Variants in DMD observed in about 807,000 individuals in gnomAD.
The protein encoded by DMD is dystrophin.
DMD carries 63 observed loss-of-function variants against 330.1 expected under a neutral mutation model. The ratio of observed to expected loss-of-function variants is 0.19; its 90% CI spans 0.16 to 0.24. DMD has a LOEUF of 0.24. Among genes scored for constraint, DMD ranks in the 10% least tolerant of loss-of-function variants. The probability of loss-of-function intolerance (pLI) is 1.00; values close to 1 mark genes in which losing one functional copy is unlikely to be tolerated. For synonymous variants in DMD, 1,223 were observed against 959.8 expected (o/e 1.27, Z -5.07); for missense variants, 3,344 against 2,684.1 (o/e 1.25, Z -5.43).
At chrX:32,987,040 T>TC (rs1243710184) in intron 2 of DMD, among the ~76,000 whole-genome samples, 4 of 112,584 alleles carry the variant, frequency 3.6e-5, no homozygotes, top group African/African-American at 1.3e-4. Context: ...CTGATATCTT[T>TC]CTGTCTACTA....
intron 48 of DMD, among the ~76,000 whole-genome samples, chrX:31,856,448 C>T (rs1054779310): frequency 9.0e-6 from 1 of 111,655 alleles, no homozygotes; most frequent in South Asian, 3.7e-4. Context: ...TGTTTGGTTT[C>T]TATTAAAATC....
At chrX:32,297,822 T>C (rs1343515970) in intron 42 of DMD, among the ~76,000 whole-genome samples, 2 of 111,083 alleles carry the variant, frequency 1.8e-5, no homozygotes, top group Non-Finnish European at 3.8e-5. Flanking sequence ...AGGAAGGCAG[T>C]TTTTAAGTAA....
At chrX:32,319,287 T>A (rs2097598345) in intron 41 of DMD, among the ~76,000 whole-genome samples, 1 of 109,582 alleles carries the variant, frequency 9.1e-6, no homozygotes, top group African/African-American at 3.3e-5. Context: ...TAAAACCATC[T>A]CCAAAAAATA....
At chrX:32,347,266 G>A (rs2097767249) in intron 38 of DMD, among the ~76,000 whole-genome samples, 2 of 111,652 alleles carry the variant, frequency 1.8e-5, no homozygotes, top group African/African-American at 6.5e-5. Context: ...AAAGTCTGTA[G>A]CATTTTCTAG....
At chrX:32,824,102 C>G (rs771664302) in intron 4 of DMD, among the ~76,000 whole-genome samples, 20 of 111,745 alleles carry the variant, frequency 1.8e-4, no homozygotes, top group Non-Finnish European at 3.8e-4. Flanking sequence ...AAAAATAGTG[C>G]CATAAAATGC....
intron 41 of DMD, among the ~76,000 whole-genome samples, chrX:32,321,861 A>G (rs929824812): frequency 8.9e-6 from 1 of 111,928 alleles, no homozygotes; most frequent in Non-Finnish European, 1.9e-5. Flanking sequence ...AGTCCATACA[A>G]GTAGTATACT....
chrX:32,551,437 C>A (rs2049545090), intron 16 of DMD, among the ~76,000 whole-genome samples: 1 of 111,466 alleles, frequency 9.0e-6, no homozygotes, highest in Admixed American at 9.6e-5. Context: ...AAATTCAACA[C>A]CCTTTCATGT....
chrX:33,131,782 A>G (rs746720751), intron 1 of DMD, among the ~76,000 whole-genome samples: 2 of 112,316 alleles, frequency 1.8e-5, no homozygotes, highest in East Asian at 5.6e-4. Flanking sequence ...TTTTGTGAGT[A>G]TCAGTGTACT....
intron 43 of DMD, among the ~76,000 whole-genome samples, chrX:32,219,879 G>C (rs540070833): frequency 8.9e-6 from 1 of 111,835 alleles, no homozygotes; most frequent in African/African-American, 3.2e-5. Context: ...CATCATATTG[G>C]TAATTGCCAT....
At chrX:32,694,946 C>T (rs951012745) in intron 9 of DMD, among the ~76,000 whole-genome samples, 5 of 112,039 alleles carry the variant, frequency 4.5e-5, no homozygotes, top group Admixed American at 9.5e-5. Flanking sequence ...TGAGCCACCA[C>T]GCCCGGCCTT....
At position 33,107,907 on chromosome X, in the gene DMD, G is replaced by A. The variant is rs373732796; in HGVS notation, c.32-87707C>T. ...TTTTCCTTAAATGATACTATTCTCC[G>A]AATTTAATAAAGTACCATTTCTACT... On this transcript the variant is annotated intron_variant, in intron 1 of 78. Transcript: ENST00000357033. Among the ~76,000 whole-genome samples the A allele has an allele frequency of 3.6e-5, 4 of 110,627 alleles. No individual in the cohort carries two copies. The South Asian group carries it at 1.5e-3, about 42-fold the overall frequency.
chrX:32,143,155 T>C (rs192324640), intron 44 of DMD, among the ~76,000 whole-genome samples: 10,268 of 110,843 alleles, frequency 0.093, 1,173 homozygotes, highest in African/African-American at 0.32. Flanking sequence ...CACAAGGCCC[T>C]GTATTTTTAA....
intron 64 of DMD, among the ~76,000 whole-genome samples, chrX:31,220,473 GTTCT>G (rs1043321063): frequency 2.2e-4 from 25 of 111,736 alleles, no homozygotes; most frequent in African/African-American, 7.5e-4. Context: ...CTGGTAACGG[GTTCT>G]TTCTTTCTTC....
Position 31,368,124 on chromosome X carries a change from T to C in DMD, c.9085-19490A>G, listed in dbSNP as rs151058186. Among the ~76,000 whole-genome samples, 1,104 of 111,588 alleles carry C rather than the reference T, an allele frequency of 9.9e-3. 10 individuals are homozygous for C. The highest frequency in any genetic ancestry group is 0.034 in the African/African-American group (1,048 of 30,743). ...CCCTGAGCCTTTCAGCTTTCTGTTC[T>C]AGGTTCCCCTGACCCCCATGACATG... On this transcript the variant is annotated intron_variant, in intron 60 of 78. Coordinates refer to ENST00000357033, the MANE Select transcript of DMD (RefSeq NM_004006.3).
At chrX:32,278,057 A>G (rs1307213296) in intron 43 of DMD, among the ~76,000 whole-genome samples, 1 of 111,503 alleles carries the variant, frequency 9.0e-6, no homozygotes. Context: ...AAATTGACAA[A>G]TCTTGAGCCA....
chrX:31,263,338 A>T (rs763092361), intron 62 of DMD, among the ~76,000 whole-genome samples: 1 of 112,428 alleles, frequency 8.9e-6, no homozygotes, highest in East Asian at 2.8e-4. Flanking sequence ...TCCCACATAG[A>T]ATGAATGAGG....
chrX:32,967,180 C>A (rs2092193640), intron 2 of DMD, among the ~76,000 whole-genome samples: 1 of 111,563 alleles, frequency 9.0e-6, no homozygotes, highest in South Asian at 3.8e-4. Flanking sequence ...TCCCTCCCAG[C>A]CAGTCCATTG....
At chrX:33,036,966 C>T (rs2094214669) in intron 1 of DMD, among the ~76,000 whole-genome samples, 1 of 110,979 alleles carries the variant, frequency 9.0e-6, no homozygotes, top group Non-Finnish European at 1.9e-5. Context: ...ACATGAGGAA[C>T]AGCGGAAGCC....
chrX:32,966,841 G>A (rs1396036113), intron 2 of DMD, among the ~76,000 whole-genome samples: 1 of 112,186 alleles, frequency 8.9e-6, no homozygotes, highest in Admixed American at 9.5e-5. Flanking sequence ...ATGTCTGAGT[G>A]ATAAACATCC....
Sources: gnomAD v4.1 joint callset for allele counts (sites outside exome capture counted in the v4.1 genomes callset) on GRCh38, gnomAD v4.1.1 for gene constraint, MANE v1.5 for transcripts, NCBI Gene and HGNC (gene_info 2026-07-23, HGNC 2026-07-21) for gene names.